Variants in RBM33 observed in about 807,000 individuals in gnomAD.
RBM33 encodes RNA-binding protein 33.
RBM33 carries 28 observed loss-of-function variants against 132.6 expected under a neutral mutation model. That is an observed-to-expected ratio of 0.21 (90% CI 0.16 to 0.29). The LOEUF (loss-of-function observed/expected upper bound fraction) is 0.29, where lower values mean the gene tolerates loss of function less well. Ranked by LOEUF, RBM33 falls within the 10% of genes least tolerant of loss-of-function variation. RBM33 has a pLI of 1.00. For synonymous variants in RBM33, 634 were observed against 593.0 expected (o/e 1.07, Z -1.01); for missense variants, 1,291 against 1,518.5 (o/e 0.85, Z 2.49).
At chr7:155,684,844 T>A in intron 5 of RBM33, 1 of 1,391,978 alleles carries the variant, frequency 7.2e-7, no homozygotes, top group Non-Finnish European at 9.7e-7. Flanking sequence ...CTACAATTAT[T>A]AAGCATGAAT....
intron 1 of RBM33, among the ~76,000 whole-genome samples, chr7:155,655,260 A>G (rs1053709913): frequency 2.6e-5 from 4 of 152,190 alleles, no homozygotes; most frequent in African/African-American, 9.7e-5. Context: ...ATGTCAGGAA[A>G]CAGTTTGACT....
intron 6 of RBM33, among the ~76,000 whole-genome samples, chr7:155,702,300 A>T (rs1300508729): frequency 6.6e-6 from 1 of 152,204 alleles, no homozygotes. Context: ...GTCAACCAAT[A>T]TTATCTTAAT....
chr7:155,672,728 C>G (rs7811556), intron 2 of RBM33, 139 bp from the exon 3 acceptor site: 365,457 of 485,292 alleles, frequency 0.75, 140,374 homozygotes, highest in South Asian at 0.8. Flanking sequence ...CTGGGCAACA[C>G]GGTGAGGCTT....
chr7:155,768,702 C>T (rs71536008), intron 16 of RBM33, among the ~76,000 whole-genome samples: 15,697 of 152,308 alleles, frequency 0.1, 963 homozygotes, highest in East Asian at 0.28. Context: ...CCGCAACCTC[C>T]GCCTCCCGGG....
chr7:155,679,041 C>T (rs539706100), intron 4 of RBM33, among the ~76,000 whole-genome samples: 97 of 152,136 alleles, frequency 6.4e-4, no homozygotes, highest in African/African-American at 2.3e-3. Context: ...GCGTAGTGGC[C>T]CGCGCCTATA....
chr7:155,727,823 T>C (rs977774234), intron 9 of RBM33, among the ~76,000 whole-genome samples: 3 of 152,208 alleles, frequency 2.0e-5, no homozygotes, highest in Non-Finnish European at 4.4e-5. Flanking sequence ...TGGAGTGCAG[T>C]GGTGTGATCG....
At chr7:155,686,776 A>G (rs1248034956) in intron 5 of RBM33, among the ~76,000 whole-genome samples, 1 of 152,166 alleles carries the variant, frequency 6.6e-6, no homozygotes, top group East Asian at 1.9e-4. Context: ...GATGGTTTCC[A>G]GCTTCATCCA....
intron 14 of RBM33, among the ~76,000 whole-genome samples, chr7:155,756,153 C>A (rs1008846492): frequency 3.3e-5 from 5 of 152,178 alleles, no homozygotes; most frequent in Admixed American, 2.6e-4. Flanking sequence ...TAGTCTGTCA[C>A]CCACATACAA....
chr7:155,733,776 C>G (rs1343846352), intron 9 of RBM33, among the ~76,000 whole-genome samples: 1 of 152,200 alleles, frequency 6.6e-6, no homozygotes, highest in East Asian at 1.9e-4. Context: ...AATGGCCGTT[C>G]ACATTGCTAG....
chr7:155,729,788 T>C (rs1408083396), intron 9 of RBM33, among the ~76,000 whole-genome samples: 1 of 151,828 alleles, frequency 6.6e-6, no homozygotes, highest in African/African-American at 2.4e-5. Flanking sequence ...AGAACTCAGT[T>C]CTGTTAATTT....
At chr7:155,668,401 T>C (rs1357745536) in intron 2 of RBM33, among the ~76,000 whole-genome samples, 1 of 152,226 alleles carries the variant, frequency 6.6e-6, no homozygotes, top group Admixed American at 6.5e-5. Context: ...TTTTGCTGAT[T>C]GCACTCCCTG....
At chr7:155,693,989 C>T (rs1799718823) in intron 5 of RBM33, among the ~76,000 whole-genome samples, 1 of 152,212 alleles carries the variant, frequency 6.6e-6, no homozygotes, top group East Asian at 1.9e-4. Context: ...ACTCCCTTTC[C>T]TAAATATCTG....
intron 7 of RBM33, among the ~76,000 whole-genome samples, chr7:155,708,982 T>C (rs1225103654): frequency 6.6e-6 from 1 of 152,004 alleles, no homozygotes; most frequent in African/African-American, 2.4e-5. Flanking sequence ...AATGGTGCCC[T>C]CAAGAGATGC....
chr7:155,728,473 A>AT (rs1450210954), intron 9 of RBM33, among the ~76,000 whole-genome samples: 1 of 152,152 alleles, frequency 6.6e-6, no homozygotes, highest in Non-Finnish European at 1.5e-5. Flanking sequence ...ATTTAACTAA[A>AT]TTCCAAGGTC....
intron 2 of RBM33, among the ~76,000 whole-genome samples, chr7:155,666,174 T>C (rs1450237277): frequency 6.6e-6 from 1 of 152,174 alleles, no homozygotes; most frequent in African/African-American, 2.4e-5. Flanking sequence ...ACTGAGAAGT[T>C]ACACGGTCTG....
intron 5 of RBM33, among the ~76,000 whole-genome samples, chr7:155,695,935 CGT>C (rs367596855): frequency 8.0e-5 from 12 of 150,326 alleles, no homozygotes; most frequent in African/African-American, 2.2e-4. Flanking sequence ...TATGTGCGCA[CGT>C]GTGTGTGTGT....
At chr7:155,678,187 A>C (rs781540813) in intron 3 of RBM33, among the ~76,000 whole-genome samples, 12 of 152,190 alleles carry the variant, frequency 7.9e-5, no homozygotes, top group Non-Finnish European at 1.3e-4. Context: ...TTTAAATCTT[A>C]TTTCTAAAAT....
intron 16 of RBM33, among the ~76,000 whole-genome samples, chr7:155,772,371 G>A (rs932706051): frequency 3.3e-5 from 5 of 152,182 alleles, no homozygotes; most frequent in African/African-American, 1.2e-4. Flanking sequence ...AGAACAGATA[G>A]GATTTTCTCT....
rs1173148440 is a variant in RBM33 at position 155,778,001 on chromosome 7, C to G, written c.*2960C>G. On this transcript the variant is annotated 3_prime_UTR_variant, in exon 18 of 18. Coordinates refer to ENST00000401878, the MANE Select transcript of RBM33 (RefSeq NM_053043.3). This position sits in a 1 kb window ranked among gnomAD's most constrained non-coding sequence, Gnocchi z 4.0. The stretch of plus-strand genomic sequence containing the variant: ...GCTGTAATAGAAGTTCACTTAGCTA[C>G]TTTAGATAACCTTGCATTACCACTG... The G allele has an allele frequency of 6.6e-6, 1 of 152,656 alleles. No homozygotes were observed. The highest frequency in any genetic ancestry group is 1.5e-5 in the Non-Finnish European group (1 of 68,048). 9.5% of individuals were successfully genotyped at this position (152,656 alleles called of 1,614,324 possible). A position where few individuals can be genotyped will look rare whatever the true frequency, so the allele number is the denominator to read the frequency against.
Sources: allele counts gnomAD v4.1 joint callset (sites outside exome capture counted in the v4.1 genomes callset), GRCh38; gene constraint gnomAD v4.1.1; non-coding constraint Gnocchi (gnomAD v3.1); transcripts MANE v1.5; gene names NCBI Gene and HGNC (gene_info 2026-07-23, HGNC 2026-07-21).